Variants in ALPI observed in about 807,000 individuals in gnomAD.
ALPI encodes alkaline phosphatase, intestinal.
In ALPI, 50 loss-of-function variants were observed where a neutral mutation model predicts 51.5. That is an observed-to-expected ratio of 0.97 (90% CI 0.77 to 1.23). The LOEUF (loss-of-function observed/expected upper bound fraction) is 1.23, where lower values mean the gene tolerates loss of function less well. ALPI is among the 50% of genes most tolerant of loss of function. The pLI is 0.00. For missense variants in ALPI, 692 were observed against 722.4 expected, an observed-to-expected ratio of 0.96 and a Z score of 0.48; for synonymous variants, 322 against 308.2, an observed-to-expected ratio of 1.04 and a Z score of -0.47.
In ALPI at chr2:232,457,086, C is replaced by T; in HGVS notation, c.475+13C>T. 1.9e-6 allele frequency: 3 copies of T among 1,613,328 alleles called. No individual in the cohort carries two copies. Among genetic ancestry groups the T allele is most frequent in the Non-Finnish European group, 8.5e-7 (1 of 1,179,926 alleles). The stretch of plus-strand genomic sequence containing the variant: ...GCCAAGCAAGCAGGTGAGCTGGGGC[C>T]CGCTGTGGGGTCAGGACCAGGCCCA... On this transcript the variant is annotated intron_variant, in intron 4 of 10. Coordinates refer to ENST00000295463, the MANE Select transcript of ALPI (RefSeq NM_001631.5). The surrounding 1 kb of genome is among the most constrained non-coding windows in gnomAD (Gnocchi z 4.7).
Position 232,458,054 on chromosome 2 carries a change from C to T in ALPI, c.913C>T (p.Pro305Ser), listed in dbSNP as rs913956760. ...GATCCACCGAGACCCCACACTGGACCCCTCCCTGATGGAGATGACAGAGGC... is the reference window on the plus strand; with the variant it reads ...GATCCACCGAGACCCCACACTGGACTCCTCCCTGATGGAGATGACAGAGGC... ...YEIHRDPTLD[P>S]SLMEMTEAAL... The change falls in exon 8 of 11, where the codon CCC becomes TCC. Residue 305 changes from proline to serine, a missense_variant. By Grantham distance (74) the Pro-to-Ser change is moderately conservative. Transcript: ENST00000295463. The T allele has an allele frequency of 6.2e-6, 10 of 1,613,950 alleles. No individual in the cohort carries two copies. The highest frequency in any genetic ancestry group is 8.5e-6 in the Non-Finnish European group (10 of 1,179,994).
rs748909189 is a variant in ALPI at position 232,458,735 on chromosome 2, T to C, written c.1287T>C (p.Asn429=). 5 of 1,613,676 alleles carry C rather than the reference T, an allele frequency of 3.1e-6. No individual in the cohort carries two copies. The highest frequency in any genetic ancestry group is 3.3e-5 in the Admixed American group (2 of 60,016). ...VFNSGVRPDV[N]ESESGSPDYQ... ...ACTCAGGCGTGCGACCAGACGTGAA[T>C]GAGAGCGAGAGCGGTGAGTGAGGCT... Residue 429 remains asparagine (N), a synonymous_variant, in exon 10 of 11, where the codon AAT becomes AAC. Coordinates refer to ENST00000295463, the MANE Select transcript of ALPI (RefSeq NM_001631.5).
chr2:232,456,867 C>T lies in ALPI; in HGVS notation c.301-32C>T, dbSNP rs758698499. ...TTGGTTGGGGTCTGGGTGTCCGCCC[C>T]GAAGTAGAGCTCAGGGTGTCTCCGT... On this transcript the variant is annotated intron_variant, in intron 3 of 10. Transcript: ENST00000295463. This position sits in a 1 kb window ranked among gnomAD's most constrained non-coding sequence, Gnocchi z 4.2. 20 of 1,611,182 alleles carry T rather than the reference C, an allele frequency of 1.2e-5. No homozygotes were observed. The Admixed American group carries it at 2.0e-4, about 16-fold the overall frequency.
At position 232,457,762 on chromosome 2, in the gene ALPI, G is replaced by T. The variant is rs1050394651; in HGVS notation, c.784-33G>T. 1 of 1,613,258 alleles carries T rather than the reference G, an allele frequency of 6.2e-7. No homozygotes were observed. The highest frequency in any genetic ancestry group is 1.3e-5 in the African/African-American group (1 of 74,918). On this transcript the variant is annotated intron_variant, in intron 6 of 10. Coordinates refer to ENST00000295463, the MANE Select transcript of ALPI (RefSeq NM_001631.5). The surrounding 1 kb of genome is among the most constrained non-coding windows in gnomAD (Gnocchi z 4.7). ...GGAGGCCAAGTGTGTGGGTCTCAGG[G>T]CTGTGGGCTGAAGCCTGGCTCTGTC...
At chr2:232,458,521 T>C in intron 9 of ALPI, 111 bp from the exon 10 acceptor site, 3 of 1,525,468 alleles carry the variant, frequency 2.0e-6, no homozygotes, top group Non-Finnish European at 2.7e-6. Flanking sequence ...CCTATAGGGA[T>C]CTTGTGAGGA....
In ALPI at chr2:232,458,011, C is replaced by T. The variant is rs145002990; in HGVS notation, c.870C>T (p.Pro290=). 7,900 of 1,613,596 alleles carry T rather than the reference C, an allele frequency of 4.9e-3. 25 individuals are homozygous for T. Among genetic ancestry groups the T allele is most frequent in the Non-Finnish European group, 5.6e-3 (6,579 of 1,179,786 alleles). Residue 290 remains proline (P), a synonymous_variant, in exon 8 of 11, where the codon CCC becomes CCT. Coordinates refer to ENST00000295463, the MANE Select transcript of ALPI (RefSeq NM_001631.5). The stretch of plus-strand genomic sequence containing the variant: ...CTTGTCCCACAGGCCTCTTTGAGCC[C>T]GGAGACACGAAATATGAGATCCACC... ...SVTHLMGLFE[P]GDTKYEIHRD...
At position 232,457,412 on chromosome 2, in the gene ALPI, G is replaced by C. The variant is rs1360213869; in HGVS notation, c.648+90G>C. On this transcript the variant is annotated intron_variant, in intron 5 of 10. Coordinates refer to ENST00000295463, the MANE Select transcript of ALPI (RefSeq NM_001631.5). This position sits in a 1 kb window ranked among gnomAD's most constrained non-coding sequence, Gnocchi z 4.7. ...GCAACCAAAAGCCTGATCTGGGTCA[G>C]CAGGTTCTGGAGGTGGAGTTGGGGA... is the stretch of plus-strand genomic sequence containing the variant. 1 of 1,552,960 alleles carries C rather than the reference G, an allele frequency of 6.4e-7. No homozygotes were observed. Among genetic ancestry groups the C allele is most frequent in the African/African-American group, 1.4e-5 (1 of 73,418 alleles).
In ALPI at chr2:232,459,064, C is replaced by T; in HGVS notation, c.1505C>T (p.Thr502Ile). Reference protein sequence around the residue: ...ACDLAPPACTTDAAHPVAASL... With the variant: ...ACDLAPPACTIDAAHPVAASL... ...GACCTGGCGCCTCCCGCCTGCACCA[C>T]CGACGCCGCGCACCCAGTTGCCGCG... Residue 502 changes from threonine (T) to isoleucine (I), a missense_variant, in exon 11 of 11, where the codon ACC becomes ATC. Physicochemically the swap from Thr to Ile is moderately conservative, Grantham distance 89 (BLOSUM62 -1). Coordinates refer to ENST00000295463, the MANE Select transcript of ALPI (RefSeq NM_001631.5). 2 of 1,547,622 alleles carry T rather than the reference C, an allele frequency of 1.3e-6. No individual in the cohort carries two copies. The highest frequency in any genetic ancestry group is 1.7e-6 in the Non-Finnish European group (2 of 1,147,604).
chr2:232,457,455 A>T lies in ALPI; in HGVS notation c.649-110A>T. The T allele has an allele frequency of 6.5e-7, 1 of 1,543,220 alleles. No homozygotes were observed. On this transcript the variant is annotated intron_variant, in intron 5 of 10. Transcript: ENST00000295463. This position sits in a 1 kb window ranked among gnomAD's most constrained non-coding sequence, Gnocchi z 4.7. Reference sequence around the variant, plus strand: ...GTTGGGGATGTAGAATGTGCAATACAGGCTGGGCCATTCCCACAGCCCTGG... The same window carrying T: ...GTTGGGGATGTAGAATGTGCAATACTGGCTGGGCCATTCCCACAGCCCTGG...
chr2:232,458,127 T>C lies in ALPI; in HGVS notation c.986T>C (p.Val329Ala), dbSNP rs775196221. ...SRNPRGFYLF[V>A]EGGRIDHGHH... ...AACCCCCGCGGCTTCTACCTCTTTGTGGAGGGTGCGTGGTGGCCCCTGGGG... is the reference window on the plus strand; with the variant it reads ...AACCCCCGCGGCTTCTACCTCTTTGCGGAGGGTGCGTGGTGGCCCCTGGGG... Residue 329 changes from valine to alanine, a missense_variant, in exon 8 of 11, where the codon GTG becomes GCG. Coordinates refer to ENST00000295463, the MANE Select transcript of ALPI (RefSeq NM_001631.5). The C allele has an allele frequency of 3.1e-6, 5 of 1,613,614 alleles. No individual in the cohort carries two copies. The East Asian group carries it at 1.1e-4, about 36-fold the overall frequency.
Position 232,457,923 on chromosome 2 carries a change from C to T in ALPI, c.856+56C>T, listed in dbSNP as rs181953197. On this transcript the variant is annotated intron_variant, in intron 7 of 10. Transcript: ENST00000295463. This position sits in a 1 kb window ranked among gnomAD's most constrained non-coding sequence, Gnocchi z 4.7. ...TCAGACAACCTCAGAGGGTGCCATCCGAGCCTGTGTGCCCATTTGCCAGCA... is the reference window on the plus strand; with the variant it reads ...TCAGACAACCTCAGAGGGTGCCATCTGAGCCTGTGTGCCCATTTGCCAGCA... 34 of 1,611,876 alleles carry T rather than the reference C, an allele frequency of 2.1e-5. No individual in the cohort carries two copies. In the Admixed American group the frequency reaches 3.5e-4, roughly 17 times the overall value.
rs1322986938 is a variant in ALPI, at chr2:232,456,405, G to A, written c.124G>A (p.Ala42Thr). The A allele has an allele frequency of 6.2e-7, 1 of 1,614,060 alleles. No homozygotes were observed. Among genetic ancestry groups the A allele is most frequent in the East Asian group, 2.2e-5 (1 of 44,852 alleles). ...CCAGGCAGCTGAGGCCCTGGATGCTGCCAAGAAGCTGCAGCCCATCCAGAA... is the reference window on the plus strand; with the variant it reads ...CCAGGCAGCTGAGGCCCTGGATGCTACCAAGAAGCTGCAGCCCATCCAGAA... The part of the protein sequence containing the change: ...NRQAAEALDA[A>T]KKLQPIQKVA... Residue 42 changes from alanine (A) to threonine (T), a missense_variant, in exon 2 of 11, where the codon GCC (alanine) becomes ACC (threonine). Physicochemically the swap from Ala to Thr is moderately conservative, Grantham distance 58. Coordinates refer to ENST00000295463, the MANE Select transcript of ALPI (RefSeq NM_001631.5). This position sits in a 1 kb window ranked among gnomAD's most constrained non-coding sequence, Gnocchi z 4.2.
rs1317778236 is a variant in ALPI at position 232,458,132 on chromosome 2, G to C, written c.991G>C (p.Gly331Arg). ...NPRGFYLFVEGGRIDHGHHEG... is the reference protein window; with the variant it reads ...NPRGFYLFVERGRIDHGHHEG... ...CCGCGGCTTCTACCTCTTTGTGGAG[G>C]GTGCGTGGTGGCCCCTGGGGAGTGG... Residue 331 changes from glycine (G) to arginine (R), a missense_variant and splice_region_variant, in exon 8 of 11, where the codon GGC (glycine) becomes CGC (arginine). By Grantham distance (125) the Gly-to-Arg change is moderately radical. Transcript: ENST00000295463. 7 of 1,613,954 alleles carry C rather than the reference G, an allele frequency of 4.3e-6. No individual in the cohort carries two copies.
Position 232,457,612 on chromosome 2 carries a change from A to AT in ALPI, c.696_697insT (p.Asp233Ter). The AT allele has an allele frequency of 1.2e-6, 2 of 1,614,022 alleles. No individual in the cohort carries two copies. The highest frequency in any genetic ancestry group is 8.5e-7 in the Non-Finnish European group (1 of 1,179,952). Reference sequence around the variant, plus strand: ...AGTACATGTTTCCCATGGGGACCCCAGACCCTGAGTACCCAGCTGATGCCA... The same window carrying AT: ...AGTACATGTTTCCCATGGGGACCCCATGACCCTGAGTACCCAGCTGATGCCA... On this transcript the variant is annotated frameshift_variant, in exon 6 of 11. Transcript: ENST00000295463. LOFTEE classifies it high-confidence loss of function. This position sits in a 1 kb window ranked among gnomAD's most constrained non-coding sequence, Gnocchi z 4.7.
At position 232,456,551 on chromosome 2, in the gene ALPI, C is replaced by T. The variant is rs113267808; in HGVS notation, c.185-29C>T. On this transcript the variant is annotated intron_variant, in intron 2 of 10. Coordinates refer to ENST00000295463, the MANE Select transcript of ALPI (RefSeq NM_001631.5). The surrounding 1 kb of genome is among the most constrained non-coding windows in gnomAD (Gnocchi z 4.2). The stretch of plus-strand genomic sequence containing the variant: ...AGTGGTTCCAGGACAACCCTGGGGC[C>T]CAGGACTCACACATTTCTGCTCCTT... 0.012 allele frequency: 18,913 copies of T among 1,610,652 alleles called. 151 individuals carry two copies. The highest frequency in any genetic ancestry group is 0.014 in the Non-Finnish European group (15,955 of 1,178,364).
chr2:232,457,093 G>T lies in ALPI; in HGVS notation c.475+20G>T, dbSNP rs1195907742. On this transcript the variant is annotated intron_variant, in intron 4 of 10. Coordinates refer to ENST00000295463, the MANE Select transcript of ALPI (RefSeq NM_001631.5). The surrounding 1 kb of genome is among the most constrained non-coding windows in gnomAD (Gnocchi z 4.7). ...AAGCAGGTGAGCTGGGGCCCGCTGT[G>T]GGGTCAGGACCAGGCCCAAGATCTC... 1 of 1,613,312 alleles carries T rather than the reference G, an allele frequency of 6.2e-7. No individual in the cohort carries two copies. Among genetic ancestry groups the T allele is most frequent in the Non-Finnish European group, 8.5e-7 (1 of 1,179,912 alleles).
rs1690264361 is a variant in ALPI, at chr2:232,459,107, C to CG, written c.1551dup (p.Thr518AspfsTer96). The CG allele has an allele frequency of 6.5e-7, 1 of 1,538,016 alleles. No homozygotes were observed. The highest frequency in any genetic ancestry group is 2.4e-5 in the East Asian group (1 of 40,878). On this transcript the variant is annotated frameshift_variant, in exon 11 of 11. Coordinates refer to ENST00000295463, the MANE Select transcript of ALPI (RefSeq NM_001631.5). LOFTEE classifies it low-confidence loss of function (END_TRUNC). ...TTGCCGCGTCGCTGCCACTGCTGGC[C>CG]GGGACCCTGCTGCTGCTGGGGGCGT...
chr2:232,457,105 A>G lies in ALPI; in HGVS notation c.475+32A>G. On this transcript the variant is annotated intron_variant, in intron 4 of 10. Transcript: ENST00000295463. The surrounding 1 kb of genome is among the most constrained non-coding windows in gnomAD (Gnocchi z 4.7). Reference sequence around the variant, plus strand: ...TGGGGCCCGCTGTGGGGTCAGGACCAGGCCCAAGATCTCGGTCACCGATCC... The same window carrying G: ...TGGGGCCCGCTGTGGGGTCAGGACCGGGCCCAAGATCTCGGTCACCGATCC... The G allele has an allele frequency of 3.1e-6, 5 of 1,613,326 alleles. No individual in the cohort carries two copies. Among genetic ancestry groups the G allele is most frequent in the Non-Finnish European group, 4.2e-6 (5 of 1,179,934 alleles).
chr2:232,459,014 CTG>C lies in ALPI; in HGVS notation c.1457_1458del (p.Cys486SerfsTer127), dbSNP rs763108502. On this transcript the variant is annotated frameshift_variant, in exon 11 of 11. Coordinates refer to ENST00000295463, the MANE Select transcript of ALPI (RefSeq NM_001631.5). LOFTEE classifies it low-confidence loss of function (END_TRUNC). ...FVAHVMAFAA[C>X]LEPYTACDLA... ...TAGCGCATGTCATGGCCTTCGCTGC[CTG>C]TCTGGAGCCCTACACGGCCTGCGAC... The C allele has an allele frequency of 3.8e-6, 6 of 1,565,320 alleles. No individual in the cohort carries two copies. Among genetic ancestry groups the C allele is most frequent in the Non-Finnish European group, 5.2e-6 (6 of 1,155,358 alleles).
Sources: gnomAD v4.1 joint callset for allele counts on GRCh38, gnomAD v4.1.1 for gene constraint, Gnocchi (gnomAD v3.1) non-coding constraint, MANE v1.5 for transcripts, NCBI Gene and HGNC (gene_info 2026-07-23, HGNC 2026-07-21) for gene names.